CHODL: variants seen among roughly 807,000 people sequenced by gnomAD.
CHODL encodes transmembrane protein MT75.
In CHODL, 29 loss-of-function variants were observed where a neutral mutation model predicts 34.5. The observed-to-expected ratio is 0.84, with a 90% CI of 0.63 to 1.15. CHODL has a LOEUF of 1.15. CHODL is among the 50% of genes most tolerant of loss of function. The pLI, the probability that CHODL is intolerant of heterozygous loss-of-function variation, is 0.00. For missense variants in CHODL, 332 were observed against 332.5 expected, an observed-to-expected ratio of 1.00 and a Z score of 0.01; for synonymous variants, 125 against 116.1, an observed-to-expected ratio of 1.08 and a Z score of -0.49.
intron 4 of CHODL, 49 bp from the exon 5 acceptor site, chr21:18,262,742 G>C: frequency 9.2e-7 from 1 of 1,087,284 alleles, no homozygotes; most frequent in South Asian, 1.4e-5. Flanking sequence ...TTTTGCTTTA[G>C]AATTCTTCCT....
chr21:18,234,168 G>T (rs533525338), intron 2 of CHODL, among the ~76,000 whole-genome samples: 43 of 152,062 alleles, frequency 2.8e-4, no homozygotes, highest in Admixed American at 2.0e-4. Flanking sequence ...ATGTTCTCTC[G>T]TTCGAATGCG....
Position 18,251,514 on chromosome 21 carries a change from A to ATTTTATTTATTTTATATATT in CHODL, c.80-4994_80-4993insTTTATTTATTTTATATATTT, listed in dbSNP as rs1409355778. Among the ~76,000 whole-genome samples the ATTTTATTTATTTTATATATT allele has an allele frequency of 7.3e-3, 754 of 102,712 alleles. 88 individuals are homozygous for ATTTTATTTATTTTATATATT. The highest frequency in any genetic ancestry group is 0.011 in the Middle Eastern group (1 of 92). The allele number at this position is 102,712 out of a possible 152,430, so 67.4% of individuals were successfully genotyped here. A position where few individuals can be genotyped will look rare whatever the true frequency, so the allele number is the denominator to read the frequency against. On this transcript the variant is annotated intron_variant, in intron 1 of 5. Coordinates refer to ENST00000299295, the MANE Select transcript of CHODL (RefSeq NM_024944.3). ...ATAAAATAAATATTTATTTTAATAT[A>ATTTTATTTATTTTATATATT]TAAAATATTTATTTTATTTATTATT...
At chr21:17,963,175 C>G (rs546993478) in intron 1 of CHODL, among the ~76,000 whole-genome samples, 1 of 152,210 alleles carries the variant, frequency 6.6e-6, no homozygotes, top group East Asian at 1.9e-4. Flanking sequence ...TTCTCTTATT[C>G]CATTTGGATA....
rs1231006364 is a variant in CHODL, at chr21:18,251,531, T to A, written c.80-4978T>A. On this transcript the variant is annotated intron_variant, in intron 1 of 5. Coordinates refer to ENST00000299295, the MANE Select transcript of CHODL (RefSeq NM_024944.3). ...TTTAATATATAAAATATTTATTTTA[T>A]TTATTATTTTAATATATAAATATTT... Among the ~76,000 whole-genome samples the A allele has an allele frequency of 5.2e-3, 4 of 768 alleles. 1 individual carries two copies. Among genetic ancestry groups the A allele is most frequent in the African/African-American group, 0.038 (4 of 106 alleles). The allele number at this position is 768 out of a possible 152,430, so 0.5% of individuals were successfully genotyped here. A position where few individuals can be genotyped will look rare whatever the true frequency, so the allele number is the denominator to read the frequency against.
intron 1 of CHODL, among the ~76,000 whole-genome samples, chr21:17,948,674 G>A (rs1331664484): frequency 1.3e-5 from 2 of 152,012 alleles, no homozygotes; most frequent in African/African-American, 4.8e-5. Context: ...ATAAATTGCT[G>A]GACACATACA....
chr21:17,935,656 C>T (rs937858277), intron 1 of CHODL, among the ~76,000 whole-genome samples: 1 of 152,154 alleles, frequency 6.6e-6, no homozygotes, highest in Non-Finnish European at 1.5e-5. Context: ...ATAATTGATG[C>T]ACAAAGTAGA....
chr21:18,174,095 C>T (rs528812556), intron 2 of CHODL, among the ~76,000 whole-genome samples: 3 of 11,418 alleles, frequency 2.6e-4, no homozygotes, highest in South Asian at 6.5e-3. Flanking sequence ...GAAACAAATA[C>T]AGGATATATA....
chr21:18,119,845 G>C (rs929599626), intron 2 of CHODL, among the ~76,000 whole-genome samples: 3 of 152,164 alleles, frequency 2.0e-5, no homozygotes, highest in African/African-American at 7.2e-5. Flanking sequence ...TAAAAACAAA[G>C]TATGCAGGTC....
At chr21:17,974,133 T>C (rs2146366032) in intron 1 of CHODL, among the ~76,000 whole-genome samples, 1 of 152,314 alleles carries the variant, frequency 6.6e-6, no homozygotes, top group East Asian at 1.9e-4. Flanking sequence ...CATGAAGTCT[T>C]TGGAAACTAA....
intron 2 of CHODL, among the ~76,000 whole-genome samples, chr21:18,198,853 C>A (rs573791927): frequency 4.7e-4 from 71 of 152,112 alleles, no homozygotes; most frequent in African/African-American, 1.7e-3. Flanking sequence ...GAGTGGAAAT[C>A]AAAAATTAAG....
chr21:17,978,112 C>G (rs2063681377), intron 1 of CHODL, among the ~76,000 whole-genome samples: 1 of 151,960 alleles, frequency 6.6e-6, no homozygotes, highest in Non-Finnish European at 1.5e-5. Flanking sequence ...GGTCTCTTCA[C>G]TGGGTATTAC....
intron 1 of CHODL, among the ~76,000 whole-genome samples, chr21:18,015,731 A>G (rs541139592): frequency 2.0e-5 from 3 of 152,310 alleles, no homozygotes; most frequent in South Asian, 2.1e-4. Context: ...TCAGATGGAG[A>G]TAAGGAAGTT....
chr21:18,167,812 G>A (rs2073176800), intron 2 of CHODL, among the ~76,000 whole-genome samples: 1 of 152,170 alleles, frequency 6.6e-6, no homozygotes, highest in Non-Finnish European at 1.5e-5. Flanking sequence ...GATATTGAGT[G>A]TCAACTTGAT....
At chr21:18,172,887 A>T in intron 2 of CHODL, among the ~76,000 whole-genome samples, 1 of 152,282 alleles carries the variant, frequency 6.6e-6, no homozygotes, top group East Asian at 1.9e-4. Flanking sequence ...TCAGGGTGTC[A>T]TCTTGGGGTA....
chr21:18,166,644 A>G (rs2073156633), intron 2 of CHODL, among the ~76,000 whole-genome samples: 2 of 152,100 alleles, frequency 1.3e-5, no homozygotes, highest in South Asian at 4.1e-4. Context: ...ATTTCACAAT[A>G]CATCTTTGTC....
In CHODL at chr21:18,159,619, C is replaced by T. The variant is rs180941606; in HGVS notation, c.-44-96890C>T. On this transcript the variant is annotated intron_variant, in intron 2 of 6. Coordinates refer to the CHODL transcript ENST00000400127. The stretch of plus-strand genomic sequence containing the variant: ...TTTGGGAAGCAGAATCATTCCCCAA[C>T]CTTGCCCATGCCCTAATCCTCAGAA... Among the ~76,000 whole-genome samples the T allele has an allele frequency of 1.7e-3, 253 of 152,322 alleles. 1 individual carries two copies. Among genetic ancestry groups the T allele is most frequent in the Non-Finnish European group, 3.2e-3 (216 of 68,034 alleles).
chr21:17,947,656 A>G (rs2063422348), intron 1 of CHODL, among the ~76,000 whole-genome samples: 1 of 152,062 alleles, frequency 6.6e-6, no homozygotes, highest in African/African-American at 2.4e-5. Flanking sequence ...AATAAAAAAT[A>G]TAAAAACACA....
At chr21:18,012,332 T>C (rs1260891919) in intron 1 of CHODL, among the ~76,000 whole-genome samples, 1 of 152,246 alleles carries the variant, frequency 6.6e-6, no homozygotes, top group Non-Finnish European at 1.5e-5. Flanking sequence ...ACAATCTCTA[T>C]GTCAGGCCTT....
At chr21:18,139,788 C>A (rs939619191) in intron 2 of CHODL, among the ~76,000 whole-genome samples, 3 of 152,116 alleles carry the variant, frequency 2.0e-5, no homozygotes, top group Non-Finnish European at 2.9e-5. Context: ...ACTATGTAGT[C>A]TTTTCTGTTA....
Sources: gnomAD v4.1 joint callset for allele counts (sites outside exome capture counted in the v4.1 genomes callset) on GRCh38, gnomAD v4.1.1 for gene constraint, MANE v1.5 for transcripts, NCBI Gene and HGNC (gene_info 2026-07-23, HGNC 2026-07-21) for gene names.